The following MYCBP2 variants were observed in gnomAD, a reference collection of about 807,000 sequenced individuals.
MYCBP2 encodes MYC binding protein 2.
Under a neutral mutation model 525.3 loss-of-function variants are expected in MYCBP2, and 120 were observed. The ratio of observed to expected loss-of-function variants is 0.23; its 90% CI spans 0.20 to 0.27. MYCBP2 has a LOEUF of 0.27. Among genes scored for constraint, MYCBP2 ranks in the 10% least tolerant of loss-of-function variants. The probability of loss-of-function intolerance (pLI) is 1.00; values close to 1 mark genes in which losing one functional copy is unlikely to be tolerated. For missense variants in MYCBP2, 4,149 were observed against 5,657.1 expected, an observed-to-expected ratio of 0.73 and a Z score of 8.55; for synonymous variants, 1,894 against 1,955.8, an observed-to-expected ratio of 0.97 and a Z score of 0.83.
intron 3 of MYCBP2, among the ~76,000 whole-genome samples, chr13:77,283,886 A>C (rs1284648853): frequency 1.3e-5 from 2 of 152,244 alleles, no homozygotes; most frequent in Non-Finnish European, 2.9e-5. Context: ...TGACAGAGCC[A>C]GACCCTGTCT....
At chr13:77,050,187 A>G (rs2036488265) in intron 82 of MYCBP2, among the ~76,000 whole-genome samples, 1 of 152,170 alleles carries the variant, frequency 6.6e-6, no homozygotes, top group Non-Finnish European at 1.5e-5. Flanking sequence ...AAGGGTTGAT[A>G]CGCTGGTAAT....
chr13:77,068,008 G>C, intron 70 of MYCBP2, 144 bp from the exon 71 acceptor site: 1 of 743,148 alleles, frequency 1.3e-6, no homozygotes, highest in Non-Finnish European at 2.1e-6. Flanking sequence ...GCTCACTGCA[G>C]CCTTGAACTC....
In MYCBP2 at chr13:77,098,296, T is replaced by A; in HGVS notation, c.8858A>T (p.Asp2953Val). The A allele has an allele frequency of 1.2e-6, 2 of 1,611,870 alleles. No individual in the cohort carries two copies. Among genetic ancestry groups the A allele is most frequent in the Non-Finnish European group, 1.7e-6 (2 of 1,179,794 alleles). ...TNSLTDSTCD[D>V]SSEFKSVDEG... ...ATCCACACTCTTAAATTCACTGCTG[T>A]CATCGCAGGTGCTGTCTGTTAGACT... The change falls in exon 56 of 83, where the codon GAC (aspartate) becomes GTC (valine). Residue 2953 changes from aspartate (D) to valine (V), a missense_variant. Transcript: ENST00000544440.
rs143639527 is a variant in MYCBP2, at chr13:77,308,371, T to C, written c.303-11697A>G. 2.1e-4 allele frequency among the ~76,000 whole-genome samples: 32 copies of C among 152,366 alleles called. No homozygotes were observed. In the Middle Eastern group the frequency reaches 0.014, roughly 65 times the overall value. On this transcript the variant is annotated intron_variant, in intron 1 of 82. Coordinates refer to ENST00000544440, the MANE Select transcript of MYCBP2 (RefSeq NM_015057.5). ...CTTGCCCTTTTCCTTCAGCCTGCTA[T>C]GTCAAGATAGGTTAAGAGTACAGAA...
intron 45 of MYCBP2, among the ~76,000 whole-genome samples, chr13:77,156,433 T>C (rs1275299843): frequency 6.6e-6 from 1 of 152,180 alleles, no homozygotes; most frequent in Non-Finnish European, 1.5e-5. Flanking sequence ...TTAAATACAG[T>C]ATAAAAATAC....
chr13:77,191,126 G>T (rs1467899626), intron 28 of MYCBP2, among the ~76,000 whole-genome samples: 1 of 152,042 alleles, frequency 6.6e-6, no homozygotes, highest in Non-Finnish European at 1.5e-5. Context: ...TATTTCTCTA[G>T]TCCCTGGAGT....
At chr13:77,053,602 T>G (rs1276652985) in intron 80 of MYCBP2, among the ~76,000 whole-genome samples, 3 of 152,196 alleles carry the variant, frequency 2.0e-5, no homozygotes, top group Non-Finnish European at 4.4e-5. Context: ...TTCCTAAGCA[T>G]TTGACTGCTA....
chr13:77,053,505 C>T (rs186104885), intron 80 of MYCBP2, among the ~76,000 whole-genome samples: 4 of 152,298 alleles, frequency 2.6e-5, no homozygotes, highest in Admixed American at 6.5e-5. Flanking sequence ...GGTCGTTCAC[C>T]AGCTAAACCT....
intron 55 of MYCBP2, among the ~76,000 whole-genome samples, chr13:77,113,075 C>G (rs958046708): frequency 6.6e-6 from 1 of 152,150 alleles, no homozygotes; most frequent in African/African-American, 2.4e-5. Flanking sequence ...CTGCCTGACA[C>G]GTAGGTGGAC....
chr13:77,077,935 T>A (rs1016417591), intron 66 of MYCBP2: 9 of 152,798 alleles, frequency 5.9e-5, no homozygotes, highest in African/African-American at 2.2e-4. Flanking sequence ...TATGACTTTT[T>A]TTTTCAAGGA....
In MYCBP2 at chr13:77,097,575, A is replaced by T. The variant is rs1307547615; in HGVS notation, c.9579T>A (p.Leu3193=). The change falls in exon 56 of 83, where the codon CTT becomes CTA. Residue 3193 remains leucine, a synonymous_variant. Transcript: ENST00000544440. ...IFPSPGSCAV[L]KKKECEKENK... ...TCTCTTTCTCACACTCTTTCTTTTT[A>T]AGAACTGCACAGGAACCAGGACTTG... is the stretch of plus-strand genomic sequence containing the variant. 8 of 1,612,922 alleles carry T rather than the reference A, an allele frequency of 5.0e-6. No individual in the cohort carries two copies. Among genetic ancestry groups the T allele is most frequent in the Non-Finnish European group, 2.5e-6 (3 of 1,179,732 alleles).
chr13:77,261,434 C>T (rs2073257829), intron 11 of MYCBP2, 59 bp from the exon 12 acceptor site: 1 of 1,225,148 alleles, frequency 8.2e-7, no homozygotes, highest in Non-Finnish European at 1.1e-6. Context: ...CATCAGGTTT[C>T]ACATGAGGAA....
intron 80 of MYCBP2, among the ~76,000 whole-genome samples, chr13:77,055,023 T>C (rs961778992): frequency 2.0e-5 from 3 of 151,808 alleles, no homozygotes; most frequent in Non-Finnish European, 2.9e-5. Context: ...CATAAACATA[T>C]ACATGGTAGG....
intron 71 of MYCBP2, among the ~76,000 whole-genome samples, chr13:77,066,706 G>T (rs979036669): frequency 6.6e-6 from 1 of 152,108 alleles, no homozygotes; most frequent in Non-Finnish European, 1.5e-5. Context: ...ATCCAAAAAG[G>T]CTGCAGCAAT....
rs180893432 is a variant in MYCBP2 at position 77,256,226 on chromosome 13, T to C, written c.2176+1445A>G. ...ATTACAGGTAGCATGTGCTGTTAAATGGGAAGATAATATACGCCAGAAAGA... is the reference window on the plus strand; with the variant it reads ...ATTACAGGTAGCATGTGCTGTTAAACGGGAAGATAATATACGCCAGAAAGA... On this transcript the variant is annotated intron_variant, in intron 14 of 82. Transcript: ENST00000544440. Among the ~76,000 whole-genome samples the C allele has an allele frequency of 3.9e-5, 6 of 152,152 alleles. No homozygotes were observed. The East Asian group carries it at 9.6e-4, about 24-fold the overall frequency.
intron 80 of MYCBP2, among the ~76,000 whole-genome samples, chr13:77,054,106 C>T (rs1353040889): frequency 6.6e-6 from 1 of 151,924 alleles, no homozygotes; most frequent in Non-Finnish European, 1.5e-5. Context: ...CGAGGTATGA[C>T]AAGACAGATT....
intron 1 of MYCBP2, among the ~76,000 whole-genome samples, chr13:77,323,942 C>A (rs2081991492): frequency 6.6e-6 from 1 of 152,142 alleles, no homozygotes; most frequent in Non-Finnish European, 1.5e-5. Flanking sequence ...CTTCCTGTCC[C>A]TGAGATCCCT....
intron 30 of MYCBP2, 134 bp downstream of exon 30, chr13:77,188,817 A>C: frequency 2.0e-6 from 1 of 500,918 alleles, no homozygotes; most frequent in Admixed American, 4.0e-5. Context: ...CTAGAATATA[A>C]ATGTGAATAC....
chr13:77,106,474 C>T lies in MYCBP2; in HGVS notation c.8141-7461G>A, dbSNP rs377054820. 4.6e-5 allele frequency among the ~76,000 whole-genome samples: 7 copies of T among 152,152 alleles called. No individual in the cohort carries two copies. The East Asian group carries it at 5.8e-4, about 13-fold the overall frequency. On this transcript the variant is annotated intron_variant, in intron 55 of 82. Transcript: ENST00000544440. ...AATACATTATATTCAGGAGGCTAGG[C>T]GTCTAATCACAATGCATATATCACT...
Sources: gnomAD v4.1 joint callset for allele counts (sites outside exome capture counted in the v4.1 genomes callset) on GRCh38, gnomAD v4.1.1 for gene constraint, MANE v1.5 for transcripts, NCBI Gene and HGNC (gene_info 2026-07-23, HGNC 2026-07-21) for gene names.